Variants in PTPRS observed in about 807,000 individuals in gnomAD.
PTPRS encodes receptor-type tyrosine-protein phosphatase S.
PTPRS carries 63 observed loss-of-function variants against 215.3 expected under a neutral mutation model. The observed-to-expected ratio is 0.29, with a 90% confidence interval of 0.24 to 0.36. The LOEUF (loss-of-function observed/expected upper bound fraction) is 0.36. Among genes scored for constraint, PTPRS ranks in the 10% least tolerant of loss-of-function variants. The probability of loss-of-function intolerance (pLI) is 1.00; values close to 1 mark genes in which losing one functional copy is unlikely to be tolerated. For synonymous variants in PTPRS, 1,404 were observed against 1,191.4 expected (o/e 1.18, Z -3.68); for missense variants, 2,258 against 2,825.8 (o/e 0.80, Z 4.56).
chr19:5,231,512 C>G lies in PTPRS; in HGVS notation c.1953G>C (p.Leu651=). ...GTCGGTAGCGGACGCTGTAGCCCAC[C>G]AGGGCCCCGTTGTGCGTTTCCGGCG... ...PPPPETHNGA[L]VGYSVRYRPL... The change falls in exon 14 of 38, where the codon CTG becomes CTC. Residue 651 remains leucine, a synonymous_variant. Coordinates refer to ENST00000262963, the MANE Select transcript of PTPRS (RefSeq NM_002850.4). 6.2e-7 allele frequency: 1 copy of G among 1,612,250 alleles called. No individual in the cohort carries two copies. The highest frequency in any genetic ancestry group is 1.1e-5 in the South Asian group (1 of 91,044).
rs1240856166 is a variant in PTPRS at position 5,295,213 on chromosome 19, AG to A, written c.-94-8980del. Among the ~76,000 whole-genome samples the A allele has an allele frequency of 2.8e-4, 42 of 152,238 alleles. No individual in the cohort carries two copies. The highest frequency in any genetic ancestry group is 5.0e-4 in the Non-Finnish European group (34 of 68,036). On this transcript the variant is annotated intron_variant, in intron 1 of 37. Transcript: ENST00000262963. The surrounding 1 kb of genome is among the most constrained non-coding windows in gnomAD (Gnocchi z 4.6). ...CTGCCACATAAGCCAAGCACTGAAC[AG>A]GTGCTCAATGAATCCACACTGTCAG...
chr19:5,268,240 G>A (rs894360379), intron 4 of PTPRS, among the ~76,000 whole-genome samples: 19 of 152,006 alleles, frequency 1.2e-4, no homozygotes, highest in African/African-American at 3.1e-4. Context: ...ACGCCCATTC[G>A]TTTCTCAGCT....
In PTPRS at chr19:5,210,738, G is replaced by C. The variant is rs746423364; in HGVS notation, c.5302C>G (p.Leu1768Val). 4 of 1,614,178 alleles carry C rather than the reference G, an allele frequency of 2.5e-6. No individual in the cohort carries two copies. Among genetic ancestry groups the C allele is most frequent in the Non-Finnish European group, 3.4e-6 (4 of 1,180,028 alleles). ...ACGATCGTCGAATTGTTCTCCCACA[G>C]CATGCGCCAGAAGTCTTCCGTGGTC... Reference protein sequence around the residue: ...AETTEDFWRMLWENNSTIVVM... With the variant: ...AETTEDFWRMVWENNSTIVVM... Residue 1768 changes from leucine to valine, a missense_variant, in exon 34 of 38, where the codon CTG becomes GTG. Leu to Val is a conservative substitution (Grantham distance 32, BLOSUM62 1). Transcript: ENST00000262963. The surrounding 1 kb of genome is among the most constrained non-coding windows in gnomAD (Gnocchi z 4.5).
chr19:5,299,222 T>A (rs2049230584), intron 1 of PTPRS, among the ~76,000 whole-genome samples: 1 of 152,162 alleles, frequency 6.6e-6, no homozygotes, highest in South Asian at 2.1e-4. Flanking sequence ...GTCCTCCTGG[T>A]GGCCCACAAG....
intron 13 of PTPRS, among the ~76,000 whole-genome samples, chr19:5,235,009 C>T (rs577352802): frequency 8.6e-5 from 13 of 150,342 alleles, no homozygotes; most frequent in South Asian, 4.2e-4. Context: ...GGCGCGATCT[C>T]GGCTCACTGC....
At chr19:5,220,885 GGTCT>G in intron 20 of PTPRS, 111 bp downstream of exon 20, 1 of 1,241,324 alleles carries the variant, frequency 8.1e-7, no homozygotes, top group East Asian at 2.3e-5. Context: ...GGGCTGATAG[GGTCT>G]GTGTTTCATA....
intron 16 of PTPRS, among the ~76,000 whole-genome samples, chr19:5,226,856 G>A (rs2042548346): frequency 6.6e-6 from 1 of 152,128 alleles, no homozygotes; most frequent in African/African-American, 2.4e-5. Flanking sequence ...TGTTCTCTGT[G>A]GGTATCTGTA....
chr19:5,271,283 C>T (rs1375803136), intron 4 of PTPRS, among the ~76,000 whole-genome samples: 3 of 152,146 alleles, frequency 2.0e-5, no homozygotes, highest in Non-Finnish European at 2.9e-5. Flanking sequence ...AACACAGTAA[C>T]GGGGAAGTAG....
At chr19:5,252,653 G>A (rs1363676377) in intron 9 of PTPRS, among the ~76,000 whole-genome samples, 1 of 149,730 alleles carries the variant, frequency 6.7e-6, no homozygotes, top group African/African-American at 2.5e-5. Flanking sequence ...GCCGAGGCAG[G>A]TAGATTACCT....
intron 1 of PTPRS, among the ~76,000 whole-genome samples, chr19:5,296,820 G>A (rs1279571306): frequency 6.6e-6 from 1 of 152,146 alleles, no homozygotes; most frequent in Non-Finnish European, 1.5e-5. Context: ...TGGGAGCCAT[G>A]GAGGGCTGTG....
intron 1 of PTPRS, among the ~76,000 whole-genome samples, chr19:5,311,494 C>T (rs1287890978): frequency 1.3e-5 from 2 of 152,106 alleles, no homozygotes; most frequent in African/African-American, 2.4e-5. Context: ...AGAAAGGACA[C>T]GACGGTTGTT....
rs2050583004 is a variant in PTPRS, at chr19:5,338,591, C to T, written c.-95+2073G>A. ...GGCTGTGGGATTTGAGGGCGGGAAG[C>T]AGCCGCCCCCAGCCCCAGCTGCCTG... On this transcript the variant is annotated intron_variant, in intron 1 of 37. Transcript: ENST00000262963. The surrounding 1 kb of genome is among the most constrained non-coding windows in gnomAD (Gnocchi z 4.2). 6.6e-6 allele frequency among the ~76,000 whole-genome samples: 1 copy of T among 152,120 alleles called. No homozygotes were observed. The highest frequency in any genetic ancestry group is 6.5e-5 in the Admixed American group (1 of 15,276).
intron 9 of PTPRS, among the ~76,000 whole-genome samples, chr19:5,251,977 G>A (rs2045133756): frequency 1.8e-5 from 2 of 112,370 alleles, no homozygotes; most frequent in Admixed American, 1.8e-4. Flanking sequence ...TGTTTTGGGG[G>A]GCCAAGAGGT....
At chr19:5,229,838 T>C (rs1276751750) in intron 14 of PTPRS, among the ~76,000 whole-genome samples, 154 bp from the exon 15 acceptor site, 12 of 151,946 alleles carry the variant, frequency 7.9e-5, no homozygotes, top group African/African-American at 2.9e-4. Flanking sequence ...CGGGAGGACA[T>C]GGCCTCCTGC....
intron 9 of PTPRS, among the ~76,000 whole-genome samples, chr19:5,248,479 C>G (rs975940380): frequency 3.9e-5 from 6 of 152,078 alleles, no homozygotes; most frequent in African/African-American, 7.2e-5. Flanking sequence ...ACGCCCTCCC[C>G]CTGGCAGAAC....
intron 1 of PTPRS, among the ~76,000 whole-genome samples, chr19:5,336,341 T>A (rs1315388236): frequency 2.6e-5 from 4 of 151,722 alleles, no homozygotes; most frequent in African/African-American, 9.7e-5. Flanking sequence ...GTCACCTGTT[T>A]CCTAGACATT....
chr19:5,267,034 C>G (rs2046452489), intron 4 of PTPRS, among the ~76,000 whole-genome samples: 1 of 152,182 alleles, frequency 6.6e-6, no homozygotes, highest in Non-Finnish European at 1.5e-5. Flanking sequence ...GCACCCAGCG[C>G]AGAACCGGGC....
chr19:5,336,371 C>T (rs1047224743), intron 1 of PTPRS, among the ~76,000 whole-genome samples: 1 of 151,908 alleles, frequency 6.6e-6, no homozygotes, highest in African/African-American at 2.4e-5. Context: ...CCACTCTCTG[C>T]GTGAGACAAC....
rs572222219 is a variant in PTPRS, at chr19:5,241,593, T to C, written c.1571-1261A>G. 2.0e-5 allele frequency among the ~76,000 whole-genome samples: 3 copies of C among 151,706 alleles called. No individual in the cohort carries two copies. In the South Asian group the frequency reaches 6.3e-4, roughly 32 times the overall value. ...GCCACAGTGCCTGGCAAAGGGTGCC[T>C]ATTTTAACATTTGGATCTCCATTCT... is the stretch of plus-strand genomic sequence containing the variant. On this transcript the variant is annotated intron_variant, in intron 11 of 37. Coordinates refer to ENST00000262963, the MANE Select transcript of PTPRS (RefSeq NM_002850.4).
Sources: allele counts gnomAD v4.1 joint callset (sites outside exome capture counted in the v4.1 genomes callset), GRCh38; gene constraint gnomAD v4.1.1; non-coding constraint Gnocchi (gnomAD v3.1); transcripts MANE v1.5; gene names NCBI Gene and HGNC (gene_info 2026-07-23, HGNC 2026-07-21).